Variants in RNF144A observed in about 807,000 individuals in gnomAD.
RNF144A encodes ring finger protein 144A, also known as E3 ubiquitin-protein ligase RNF144A.
In RNF144A, 11 loss-of-function variants were observed where a neutral mutation model predicts 38.7. That is an observed-to-expected ratio of 0.28 (90% CI 0.18 to 0.47). The LOEUF is 0.47. Among genes scored for constraint, RNF144A ranks in the 20% least tolerant of loss-of-function variants. RNF144A has a pLI of 0.99. For synonymous variants in RNF144A, 149 were observed against 143.9 expected (o/e 1.04, Z -0.25); for missense variants, 316 against 377.2 (o/e 0.84, Z 1.34).
intron 6 of RNF144A, among the ~76,000 whole-genome samples, chr2:7,059,771 G>T (rs1242225054): frequency 6.6e-6 from 1 of 152,190 alleles, no homozygotes; most frequent in Non-Finnish European, 1.5e-5. Flanking sequence ...TCAGTGCTTT[G>T]GTGCTGGAGA....
intron 7 of RNF144A, 73 bp from the exon 8 acceptor site, chr2:7,030,053 T>A: frequency 1.1e-5 from 11 of 1,025,760 alleles, no homozygotes; most frequent in Non-Finnish European, 1.7e-5. Context: ...AAGAAATGCA[T>A]CAATGGCTGT....
chr2:7,027,120 G>T (rs935381684), intron 7 of RNF144A, among the ~76,000 whole-genome samples: 1 of 152,132 alleles, frequency 6.6e-6, no homozygotes, highest in South Asian at 2.1e-4. Flanking sequence ...TCCCCCAAGC[G>T]TGCTTTCTGG....
intron 6 of RNF144A, among the ~76,000 whole-genome samples, chr2:7,049,634 T>C (rs1215840811): frequency 1.3e-5 from 2 of 152,240 alleles, no homozygotes; most frequent in East Asian, 1.9e-4. Flanking sequence ...TCTTAATACA[T>C]TGTTGGTGCA....
chr2:7,074,572 A>G, the RNF144A span: 1 of 152,204 alleles, frequency 6.6e-6, no homozygotes, highest in Admixed American at 6.5e-5. Context: ...TAAAAGATCT[A>G]TGCACTTAGT....
chr2:7,050,805 C>T (rs1200435275), intron 6 of RNF144A, among the ~76,000 whole-genome samples: 1 of 152,222 alleles, frequency 6.6e-6, no homozygotes, highest in Non-Finnish European at 1.5e-5. Context: ...TGTATACCAG[C>T]ATTGGAGGGG....
At chr2:6,979,610 G>A (rs1668511449) in intron 2 of RNF144A, among the ~76,000 whole-genome samples, 1 of 151,966 alleles carries the variant, frequency 6.6e-6, no homozygotes, top group Non-Finnish European at 1.5e-5. Flanking sequence ...TACATCTTTG[G>A]TGGGGGACCA....
At chr2:6,961,333 A>C (rs1338711283) in intron 2 of RNF144A, among the ~76,000 whole-genome samples, 1 of 152,132 alleles carries the variant, frequency 6.6e-6, no homozygotes, top group African/African-American at 2.4e-5. Flanking sequence ...CAGGAAAAAA[A>C]ATTATTTTCT....
At chr2:7,052,758 A>G (rs372672670) in intron 6 of RNF144A, among the ~76,000 whole-genome samples, 2 of 151,994 alleles carry the variant, frequency 1.3e-5, no homozygotes, top group African/African-American at 4.8e-5. Flanking sequence ...TCACTCGTTT[A>G]CCGAGGACCT....
At position 6,939,263 on chromosome 2, in the gene RNF144A, G is replaced by A. The variant is rs182891215; in HGVS notation, c.-211-1685G>A. Among the ~76,000 whole-genome samples, 468 of 152,244 alleles carry A rather than the reference G, an allele frequency of 3.1e-3. 11 individuals are homozygous for A. Among genetic ancestry groups the A allele is most frequent in the Admixed American group, 0.028 (427 of 15,296 alleles). ...CTACACTTGTTATTATCTGTCCTTCGATTCTAGCCATCCTAGTGGGTGTGA... is the reference window on the plus strand; with the variant it reads ...CTACACTTGTTATTATCTGTCCTTCAATTCTAGCCATCCTAGTGGGTGTGA... On this transcript the variant is annotated intron_variant, in intron 1 of 8. Coordinates refer to ENST00000320892, the MANE Select transcript of RNF144A (RefSeq NM_014746.6).
intron 8 of RNF144A, among the ~76,000 whole-genome samples, chr2:7,035,124 G>T (rs1672580516): frequency 6.6e-6 from 1 of 152,186 alleles, no homozygotes; most frequent in Admixed American, 6.5e-5. Flanking sequence ...CGCTCAGGAT[G>T]GCCTGCTGTT....
At chr2:7,037,680 C>T (rs1374015847) in intron 8 of RNF144A, among the ~76,000 whole-genome samples, 1 of 152,188 alleles carries the variant, frequency 6.6e-6, no homozygotes, top group Non-Finnish European at 1.5e-5. Context: ...TATGCACGTA[C>T]GTGTGCATGT....
rs184002363 is a variant in RNF144A, at chr2:6,945,919, C to A, written c.-12+4772C>A. Among the ~76,000 whole-genome samples, 5 of 152,164 alleles carry A rather than the reference C, an allele frequency of 3.3e-5. No individual in the cohort carries two copies. In the East Asian group the frequency reaches 9.7e-4, roughly 29 times the overall value. The stretch of plus-strand genomic sequence containing the variant: ...CCCTGGAACAGCAGGGCTGGGGAGC[C>A]CCTTGGAGCCTGGAGTCTGAAGATT... On this transcript the variant is annotated intron_variant, in intron 2 of 8. Coordinates refer to ENST00000320892, the MANE Select transcript of RNF144A (RefSeq NM_014746.6).
At chr2:7,066,041 A>C (rs1674199507) in intron 6 of RNF144A, among the ~76,000 whole-genome samples, 1 of 151,834 alleles carries the variant, frequency 6.6e-6, no homozygotes, top group African/African-American at 2.4e-5. Flanking sequence ...CTGGTTCTTT[A>C]ATGTTTTGTT....
intron 2 of RNF144A, among the ~76,000 whole-genome samples, chr2:6,990,468 CAT>C (rs766771105): frequency 5.5e-5 from 7 of 128,094 alleles, no homozygotes; most frequent in South Asian, 5.0e-4. Context: ...TATAATATAA[CAT>C]ATAATATATA....
At chr2:6,996,792 A>G in intron 2 of RNF144A, 124 bp from the exon 3 acceptor site, 1 of 914,494 alleles carries the variant, frequency 1.1e-6, no homozygotes, top group Non-Finnish European at 1.6e-6. Context: ...CAGATGCTCT[A>G]GGCTCCATCA....
At chr2:7,025,756 C>T (rs1229393323) in intron 7 of RNF144A, among the ~76,000 whole-genome samples, 9 of 152,174 alleles carry the variant, frequency 5.9e-5, no homozygotes, top group African/African-American at 2.2e-4. Context: ...CTAGGACAGT[C>T]CAAGCAAATC....
intron 3 of RNF144A, among the ~76,000 whole-genome samples, chr2:7,003,365 C>G (rs904783660): frequency 2.0e-5 from 3 of 152,184 alleles, no homozygotes; most frequent in Non-Finnish European, 4.4e-5. Context: ...CCTGTGAGCT[C>G]TATTCATGGT....
At chr2:6,950,793 G>C (rs1263549399) in intron 2 of RNF144A, among the ~76,000 whole-genome samples, 2 of 152,086 alleles carry the variant, frequency 1.3e-5, no homozygotes, top group African/African-American at 2.4e-5. Flanking sequence ...CTTTCCCCAT[G>C]TTTAATCACC....
At chr2:6,987,074 C>T (rs1669009048) in intron 2 of RNF144A, among the ~76,000 whole-genome samples, 1 of 152,004 alleles carries the variant, frequency 6.6e-6, no homozygotes, top group Non-Finnish European at 1.5e-5. Flanking sequence ...TCTGGGTCCT[C>T]TGTGGGAAAC....
Sources: gnomAD v4.1 joint callset for allele counts (sites outside exome capture counted in the v4.1 genomes callset) on GRCh38, gnomAD v4.1.1 for gene constraint, MANE v1.5 for transcripts, NCBI Gene and HGNC (gene_info 2026-07-23, HGNC 2026-07-21) for gene names.